RBFOX1: variants seen among roughly 807,000 people sequenced by gnomAD.
RBFOX1 encodes RNA binding protein fox-1 homolog 1.
RBFOX1 carries 8 observed loss-of-function variants against 57.7 expected under a neutral mutation model. That is an observed-to-expected ratio of 0.14 (90% CI 0.08 to 0.25). The LOEUF is 0.25. Among genes scored for constraint, RBFOX1 ranks in the 10% least tolerant of loss-of-function variants. The pLI is 1.00. For missense variants in RBFOX1, 611 were observed against 548.5 expected (o/e 1.11, Z -1.14); for synonymous variants, 326 against 222.4 (o/e 1.47, Z -4.15).
At chr16:5,273,738 G>A (rs2151130092) in intron 1 of RBFOX1, among the ~76,000 whole-genome samples, 1 of 152,286 alleles carries the variant, frequency 6.6e-6, no homozygotes, top group Middle Eastern at 3.4e-3. Flanking sequence ...GATGCTGTGA[G>A]GAGGGTCTTG....
chr16:7,591,406 T>A (rs1340531154), intron 7 of RBFOX1, among the ~76,000 whole-genome samples: 18 of 152,006 alleles, frequency 1.2e-4, no homozygotes, highest in Admixed American at 1.2e-3. Flanking sequence ...CTTTAACATA[T>A]AAAATGGTGT....
intron 13 of RBFOX1, among the ~76,000 whole-genome samples, chr16:7,667,872 C>G (rs1035780971): frequency 1.3e-5 from 2 of 152,086 alleles, no homozygotes; most frequent in Non-Finnish European, 2.9e-5. Context: ...CAGGATTTCA[C>G]CATGTTGGCC....
At chr16:6,534,945 T>G (rs2096714926) in intron 2 of RBFOX1, among the ~76,000 whole-genome samples, 1 of 152,120 alleles carries the variant, frequency 6.6e-6, no homozygotes, top group Admixed American at 6.6e-5. Context: ...TACAGAAAAC[T>G]TGTTTGGTTT....
chr16:6,549,091 G>A, intron 2 of RBFOX1, among the ~76,000 whole-genome samples: 1 of 124,558 alleles, frequency 8.0e-6, no homozygotes, highest in Non-Finnish European at 1.7e-5. Flanking sequence ...AGGGAGGAGG[G>A]AAGAGGAGGC....
chr16:5,389,558 A>G (rs1012809190), intron 1 of RBFOX1, among the ~76,000 whole-genome samples: 1 of 151,876 alleles, frequency 6.6e-6, no homozygotes, highest in Non-Finnish European at 1.5e-5. Flanking sequence ...TAACCACTCA[A>G]TCATTGGGGG....
intron 3 of RBFOX1, among the ~76,000 whole-genome samples, chr16:6,892,812 C>T (rs967338311): frequency 2.9e-5 from 3 of 101,716 alleles, no homozygotes; most frequent in Admixed American, 2.6e-4. Flanking sequence ...CTCTCTCTCT[C>T]TCTCTCTCTC....
At chr16:6,006,774 A>T (rs1274632666) in intron 4 of RBFOX1, among the ~76,000 whole-genome samples, 1 of 152,236 alleles carries the variant, frequency 6.6e-6, no homozygotes, top group Admixed American at 6.5e-5. Context: ...GTTCAAGGCC[A>T]GACAAGAGGC....
intron 3 of RBFOX1, among the ~76,000 whole-genome samples, chr16:6,777,546 G>A (rs2079584690): frequency 6.6e-6 from 1 of 152,102 alleles, no homozygotes; most frequent in Non-Finnish European, 1.5e-5. Context: ...GGGAACTTTA[G>A]ACCTTGCAGG....
intron 3 of RBFOX1, among the ~76,000 whole-genome samples, chr16:6,692,635 AT>A (rs71145277): frequency 0.84 from 125,362 of 148,762 alleles, 54,353 homozygotes; most frequent in Non-Finnish European, 0.96. Context: ...ATCCAAACAC[AT>A]TTTTTTTTTT....
intron 4 of RBFOX1, among the ~76,000 whole-genome samples, chr16:7,262,628 C>T (rs1192139240): frequency 6.6e-6 from 1 of 152,242 alleles, no homozygotes; most frequent in Non-Finnish European, 1.5e-5. Context: ...CTCATCTCTG[C>T]AGCTTTGATA....
chr16:7,541,627 C>T (rs1055600143), intron 5 of RBFOX1, among the ~76,000 whole-genome samples: 1 of 152,230 alleles, frequency 6.6e-6, no homozygotes, highest in Middle Eastern at 3.4e-3. Context: ...TGTCTTTCAT[C>T]TATTTCTGAA....
At chr16:6,423,614 T>TA (rs927843727) in intron 2 of RBFOX1, among the ~76,000 whole-genome samples, 7 of 150,762 alleles carry the variant, frequency 4.6e-5, no homozygotes, top group African/African-American at 9.7e-5. Context: ...AAATAAAAAA[T>TA]AAAAAAAAGG....
At chr16:7,034,209 G>C (rs980605007) in intron 3 of RBFOX1, among the ~76,000 whole-genome samples, 5 of 152,046 alleles carry the variant, frequency 3.3e-5, no homozygotes, top group African/African-American at 1.2e-4. Flanking sequence ...TCCTAACTTG[G>C]GGCACCTTGT....
rs146534386 is a variant in RBFOX1, at chr16:7,187,596, G to A, written c.27+135498G>A. 7.4e-3 allele frequency among the ~76,000 whole-genome samples: 1,104 copies of A among 150,132 alleles called. 10 individuals are homozygous for A. Among genetic ancestry groups the A allele is most frequent in the African/African-American group, 0.024 (960 of 40,764 alleles). ...CCCACCTACTCGGGAGGTTGAGGCA[G>A]GAGAATGGTGTGAACCCGGGAGGCA... On this transcript the variant is annotated intron_variant, in intron 4 of 15. Coordinates refer to ENST00000550418, the MANE Select transcript of RBFOX1 (RefSeq NM_018723.4).
At chr16:6,869,971 A>G (rs957001518) in intron 3 of RBFOX1, among the ~76,000 whole-genome samples, 8 of 152,138 alleles carry the variant, frequency 5.3e-5, no homozygotes, top group Non-Finnish European at 2.9e-5. Context: ...GGACCTATAA[A>G]ATAAGGGATC....
chr16:5,592,250 G>A (rs1388343978), intron 2 of RBFOX1, among the ~76,000 whole-genome samples: 1 of 151,958 alleles, frequency 6.6e-6, no homozygotes, highest in East Asian at 1.9e-4. Context: ...TCTTTGTTCA[G>A]TGGGTTTTAA....
At chr16:7,429,749 G>A (rs1193017790) in intron 4 of RBFOX1, among the ~76,000 whole-genome samples, 1 of 152,170 alleles carries the variant, frequency 6.6e-6, no homozygotes, top group East Asian at 1.9e-4. Flanking sequence ...CATGGGTAGA[G>A]TATCACTCAG....
chr16:7,210,040 C>T (rs527623523), intron 4 of RBFOX1, among the ~76,000 whole-genome samples: 10 of 152,292 alleles, frequency 6.6e-5, no homozygotes, highest in African/African-American at 1.7e-4. Context: ...GGGATAGCGA[C>T]GCTCAGTGCA....
chr16:5,682,332 C>T (rs2050366862), intron 3 of RBFOX1, among the ~76,000 whole-genome samples: 1 of 152,122 alleles, frequency 6.6e-6, no homozygotes, highest in Admixed American at 6.5e-5. Context: ...TTAAAAATTG[C>T]ACAGCTGTGA....
Sources: allele counts gnomAD v4.1 joint callset (sites outside exome capture counted in the v4.1 genomes callset), GRCh38; gene constraint gnomAD v4.1.1; transcripts MANE v1.5; gene names NCBI Gene and HGNC (gene_info 2026-07-23, HGNC 2026-07-21).